The following FRMD6 variants were observed in gnomAD, a reference collection of about 807,000 sequenced individuals.
FRMD6 encodes FERM domain-containing protein 6.
Under a neutral mutation model 73.2 loss-of-function variants are expected in FRMD6, and 37 were observed. The ratio of observed to expected loss-of-function variants is 0.51; its 90% CI spans 0.39 to 0.66. The LOEUF (loss-of-function observed/expected upper bound fraction) is 0.66, where lower values mean the gene tolerates loss of function less well. FRMD6 is among the 30% of genes least tolerant of loss of function. The pLI, the probability that FRMD6 is intolerant of heterozygous loss-of-function variation, is 0.00. For synonymous variants in FRMD6, 273 were observed against 282.2 expected (o/e 0.97, Z 0.33); for missense variants, 714 against 780.5 (o/e 0.91, Z 1.02).
intron 1 of FRMD6, among the ~76,000 whole-genome samples, chr14:51,514,876 G>C (rs540972729): frequency 4.6e-5 from 7 of 152,226 alleles, no homozygotes; most frequent in African/African-American, 1.7e-4. Context: ...AAACTATGAC[G>C]ACAAGAGGAG....
rs577280085 is a variant in FRMD6, at chr14:51,491,193, T to C, written c.-210+1773T>C. On this transcript the variant is annotated intron_variant, in intron 1 of 14. Coordinates refer to the FRMD6 transcript ENST00000356218. ...ACAAACATTCTTGAACTTCCTTGCA[T>C]GTTAGCATGGGGCCCTCACCTGCCC... is the stretch of plus-strand genomic sequence containing the variant. Among the ~76,000 whole-genome samples, 4 of 152,332 alleles carry C rather than the reference T, an allele frequency of 2.6e-5. 1 individual carries two copies. In the South Asian group the frequency reaches 8.3e-4, roughly 32 times the overall value.
chr14:51,451,109 G>A, the FRMD6 span, among the ~76,000 whole-genome samples: 1 of 152,248 alleles, frequency 6.6e-6, no homozygotes, highest in African/African-American at 2.4e-5. Context: ...GATAGGACAT[G>A]CCAGGAAAAG....
rs1230653964 is a variant in FRMD6, at chr14:51,603,455, TG to T, written c.-147+33046del. ...CAAGTGATTTTTTTTTTCTTCTTTT[TG>T]CTTCTCTGTATTTCTTGAATGGTTT... On this transcript the variant is annotated intron_variant, in intron 2 of 14. Coordinates refer to the FRMD6 transcript ENST00000356218. Among the ~76,000 whole-genome samples the T allele has an allele frequency of 2.0e-5, 3 of 152,348 alleles. No homozygotes were observed. The East Asian group carries it at 5.8e-4, about 29-fold the overall frequency.
intron 1 of FRMD6, among the ~76,000 whole-genome samples, chr14:51,550,583 C>CG (rs1431675058): frequency 1.3e-5 from 2 of 149,554 alleles, no homozygotes; most frequent in Non-Finnish European, 3.0e-5. Flanking sequence ...GGAGGAGACC[C>CG]CCCCGCCATG....
Position 51,651,948 on chromosome 14 carries a change from G to A in FRMD6, c.-195G>A, listed in dbSNP as rs1455196135. The A allele has an allele frequency of 1.3e-5, 2 of 152,308 alleles. No homozygotes were observed. The highest frequency in any genetic ancestry group is 2.9e-5 in the Non-Finnish European group (2 of 68,168). 9.4% of individuals were successfully genotyped at this position (152,308 alleles called of 1,614,324 possible). The stretch of plus-strand genomic sequence containing the variant: ...GGCTCGGCGCCGGTAGGAAGAGTCA[G>A]AGGGGTGACCAGAGAGCCCAACGCC... On this transcript the variant is annotated 5_prime_UTR_variant, in exon 1 of 14. Transcript: ENST00000344768.
rs147322271 is a variant in FRMD6 at position 51,676,503 on chromosome 14, G to T, written c.-146-13188G>T. Among the ~76,000 whole-genome samples the T allele has an allele frequency of 3.9e-5, 6 of 152,196 alleles. No homozygotes were observed. The East Asian group carries it at 1.2e-3, about 29-fold the overall frequency. On this transcript the variant is annotated intron_variant, in intron 1 of 13. Transcript: ENST00000344768. ...TACATGGTAGTTAAACTCTGCATAGGATCCGTAATGGATTCATCTTTTGTG... is the reference window on the plus strand; with the variant it reads ...TACATGGTAGTTAAACTCTGCATAGTATCCGTAATGGATTCATCTTTTGTG...
At chr14:51,415,497 T>C in the FRMD6 span, among the ~76,000 whole-genome samples, 2 of 152,200 alleles carry the variant, frequency 1.3e-5, no homozygotes, top group African/African-American at 4.8e-5. Flanking sequence ...ATCCCAGGGA[T>C]GAAGCTGACT....
chr14:51,399,582 G>T, the FRMD6 span, among the ~76,000 whole-genome samples: 1 of 152,146 alleles, frequency 6.6e-6, no homozygotes, highest in Non-Finnish European at 1.5e-5. Context: ...GAAAAGTGTT[G>T]TTCTTCATTG....
chr14:51,668,828 C>G (rs146006504), intron 1 of FRMD6, among the ~76,000 whole-genome samples: 1 of 151,594 alleles, frequency 6.6e-6, no homozygotes, highest in Non-Finnish European at 1.5e-5. Context: ...CCACCACACC[C>G]GGCTAATTTT....
At chr14:51,419,153 G>A in the FRMD6 span, among the ~76,000 whole-genome samples, 13 of 152,262 alleles carry the variant, frequency 8.5e-5, no homozygotes, top group Non-Finnish European at 1.5e-4. Context: ...GTGATGCCCC[G>A]CCCTGCTTCA....
At chr14:51,697,159 C>T (rs1896002997) in intron 2 of FRMD6, among the ~76,000 whole-genome samples, 1 of 152,160 alleles carries the variant, frequency 6.6e-6, no homozygotes, top group Non-Finnish European at 1.5e-5. Flanking sequence ...AACCCCATTC[C>T]TGGGTATGTA....
chr14:51,415,471 G>T, the FRMD6 span, among the ~76,000 whole-genome samples: 131 of 152,310 alleles, frequency 8.6e-4, no homozygotes, highest in Non-Finnish European at 1.4e-3. Context: ...ATTTGCATAT[G>T]TTGAACCAGC....
chr14:51,416,739 T>C, the FRMD6 span, among the ~76,000 whole-genome samples: 1 of 152,232 alleles, frequency 6.6e-6, no homozygotes, highest in East Asian at 1.9e-4. Flanking sequence ...ATCTGTCTAA[T>C]ACTGACAGTG....
At chr14:51,459,538 A>G in the FRMD6 span, among the ~76,000 whole-genome samples, 2 of 152,080 alleles carry the variant, frequency 1.3e-5, no homozygotes, top group East Asian at 3.9e-4. Context: ...TGTTTCAATT[A>G]TACCTTAAAA....
chr14:51,575,643 G>T (rs978921380), intron 2 of FRMD6: 2 of 152,152 alleles, frequency 1.3e-5, no homozygotes, highest in East Asian at 3.9e-4. Context: ...CGTCACAATG[G>T]CAGGAATACA....
At chr14:51,717,397 A>T (rs1215231059) in intron 10 of FRMD6, 1 of 152,178 alleles carries the variant, frequency 6.6e-6, no homozygotes, top group Non-Finnish European at 1.5e-5. Flanking sequence ...TAATGAACCC[A>T]CTACTGCAAT....
the FRMD6 span, among the ~76,000 whole-genome samples, chr14:51,400,839 T>C: frequency 6.6e-6 from 1 of 152,312 alleles, no homozygotes; most frequent in African/African-American, 2.4e-5. Context: ...AGAGGGCTAT[T>C]TAGGTTTTAA....
At chr14:51,466,469 A>G in the FRMD6 span, among the ~76,000 whole-genome samples, 13 of 152,292 alleles carry the variant, frequency 8.5e-5, no homozygotes, top group Non-Finnish European at 1.6e-4. Context: ...TTTTTTCTAT[A>G]TGAATACGTA....
rs977060548 is a variant in FRMD6 at position 51,728,110 on chromosome 14, G to C, written c.*81G>C. The C allele has an allele frequency of 1.6e-6, 2 of 1,286,848 alleles. No homozygotes were observed. Among genetic ancestry groups the C allele is most frequent in the Admixed American group, 2.2e-5 (1 of 45,484 alleles). The allele number at this position is 1,286,848 out of a possible 1,614,324, so 79.7% of individuals were successfully genotyped here. A position where few individuals can be genotyped will look rare whatever the true frequency, so the allele number is the denominator to read the frequency against. On this transcript the variant is annotated 3_prime_UTR_variant, in exon 14 of 14. Transcript: ENST00000344768. ...GTCATAAGTTCTTTACATATTACTT[G>C]TGCCATATCTTCTTCACCCTAAACA...
Sources: allele counts gnomAD v4.1 joint callset (sites outside exome capture counted in the v4.1 genomes callset), GRCh38; gene constraint gnomAD v4.1.1; transcripts MANE v1.5; gene names NCBI Gene and HGNC (gene_info 2026-07-23, HGNC 2026-07-21).